The following DCT variants were observed in gnomAD, a reference collection of about 807,000 sequenced individuals.
DCT encodes L-dopachrome tautomerase.
DCT carries 47 observed loss-of-function variants against 53.0 expected under a neutral mutation model. The ratio of observed to expected loss-of-function variants is 0.89; its 90% confidence interval spans 0.70 to 1.13. DCT has a LOEUF of 1.13. DCT is among the 50% of genes most tolerant of loss of function. The pLI is 0.00. For missense variants in DCT, 669 were observed against 637.4 expected (o/e 1.05, Z -0.53); for synonymous variants, 244 against 237.0 (o/e 1.03, Z -0.27).
the DCT span, among the ~76,000 whole-genome samples, chr13:94,521,065 A>G: frequency 6.6e-6 from 1 of 152,208 alleles, no homozygotes; most frequent in African/African-American, 2.4e-5. Context: ...CTCTCAATGA[A>G]GACACAGGCA....
chr13:94,500,667 A>G, the DCT span, among the ~76,000 whole-genome samples: 1 of 109,068 alleles, frequency 9.2e-6, no homozygotes, highest in Non-Finnish European at 1.8e-5. Flanking sequence ...CCTGTTGCAA[A>G]TGACAGAATC....
chr13:94,471,651 A>G (rs1165265957), intron 1 of DCT, among the ~76,000 whole-genome samples: 2 of 152,208 alleles, frequency 1.3e-5, no homozygotes, highest in Non-Finnish European at 2.9e-5. Context: ...CATATCACCT[A>G]CTATGACAGT....
In DCT at chr13:94,439,547, C is replaced by G; in HGVS notation, c.*351G>C. On this transcript the variant is annotated 3_prime_UTR_variant, in exon 8 of 8. Transcript: ENST00000377028. ...TGCACTGACCTGCAAATTTAAATGACTCCCCTGGATCAATGTTTTGGGATT... is the reference window on the plus strand; with the variant it reads ...TGCACTGACCTGCAAATTTAAATGAGTCCCCTGGATCAATGTTTTGGGATT... 1 of 162,836 alleles carries G rather than the reference C, an allele frequency of 6.1e-6. No individual in the cohort carries two copies. Among genetic ancestry groups the G allele is most frequent in the Non-Finnish European group, 1.3e-5 (1 of 78,304 alleles). The allele number at this position is 162,836 out of a possible 1,614,324, so 10.1% of individuals were successfully genotyped here.
chr13:94,442,722 T>C (rs1254750073), intron 7 of DCT, among the ~76,000 whole-genome samples: 1 of 152,184 alleles, frequency 6.6e-6, no homozygotes, highest in Non-Finnish European at 1.5e-5. Context: ...CGTAGCCCAA[T>C]CTGTTGGTAG....
chr13:94,478,804 C>T (rs1029103096), intron 1 of DCT, among the ~76,000 whole-genome samples, 157 bp downstream of exon 1: 9 of 152,244 alleles, frequency 5.9e-5, no homozygotes, highest in African/African-American at 2.2e-4. Context: ...TAAACCAGCA[C>T]ATCAGCCTTA....
the DCT span, among the ~76,000 whole-genome samples, chr13:94,509,955 T>G: frequency 1.3e-5 from 2 of 152,184 alleles, no homozygotes; most frequent in Non-Finnish European, 2.9e-5. Context: ...ATTAAGTCAT[T>G]CTTGACAAGG....
At chr13:94,535,573 TAATGTAGGC>T in the DCT span, among the ~76,000 whole-genome samples, 3 of 152,178 alleles carry the variant, frequency 2.0e-5, no homozygotes, top group Non-Finnish European at 4.4e-5. Flanking sequence ...CTGTAAGCAT[TAATGTAGGC>T]AGTGCCTGGA....
rs758795962 is a variant in DCT, at chr13:94,438,638, G to T, written c.*1260C>A. 2.2e-6 allele frequency: 1 copy of T among 455,768 alleles called. No homozygotes were observed. The highest frequency in any genetic ancestry group is 4.4e-6 in the Non-Finnish European group (1 of 226,758). 28.2% of individuals were successfully genotyped at this position (455,768 alleles called of 1,614,324 possible). A position where few individuals can be genotyped will look rare whatever the true frequency, so the allele number is the denominator to read the frequency against. On this transcript the variant is annotated 3_prime_UTR_variant, in exon 8 of 8. Coordinates refer to ENST00000377028, the MANE Select transcript of DCT (RefSeq NM_001922.5). The stretch of plus-strand genomic sequence containing the variant: ...AACCAGATATGAGCAGATGAAATTT[G>T]CCTGGAAATCTCAAGAGCCATTAAC...
the DCT span, among the ~76,000 whole-genome samples, chr13:94,537,824 A>C: frequency 6.6e-6 from 1 of 152,328 alleles, no homozygotes; most frequent in South Asian, 2.1e-4. Context: ...TAAGAACGTC[A>C]GTGTAGGCTC....
At chr13:94,487,668 T>G in the DCT span, among the ~76,000 whole-genome samples, 1 of 152,308 alleles carries the variant, frequency 6.6e-6, no homozygotes, top group Admixed American at 6.5e-5. Flanking sequence ...GCCAACGAGT[T>G]GCCTGCTCTT....
At chr13:94,490,655 C>T in the DCT span, among the ~76,000 whole-genome samples, 5 of 151,820 alleles carry the variant, frequency 3.3e-5, no homozygotes, top group Non-Finnish European at 7.4e-5. Context: ...CACACACATA[C>T]ACAAAGCTAA....
the DCT span, among the ~76,000 whole-genome samples, chr13:94,518,936 T>G: frequency 6.6e-6 from 1 of 152,218 alleles, no homozygotes; most frequent in Non-Finnish European, 1.5e-5. Flanking sequence ...CTTATCTCAA[T>G]TCTTAGAATG....
chr13:94,477,034 T>A (rs904891322), intron 1 of DCT, among the ~76,000 whole-genome samples: 4 of 152,228 alleles, frequency 2.6e-5, no homozygotes, highest in Non-Finnish European at 5.9e-5. Context: ...GACCTAGATA[T>A]TCTTCTGAAT....
At position 94,454,096 on chromosome 13, in the gene DCT, ATT is replaced by A. The variant is rs375540766; in HGVS notation, c.1179+5993_1179+5994del. 1.2e-3 allele frequency among the ~76,000 whole-genome samples: 184 copies of A among 152,280 alleles called. 2 individuals carry two copies. The highest frequency in any genetic ancestry group is 4.3e-3 in the African/African-American group (177 of 41,568). On this transcript the variant is annotated intron_variant, in intron 6 of 7. Coordinates refer to ENST00000377028, the MANE Select transcript of DCT (RefSeq NM_001922.5). ...CCATCAGCTATGTGTGGTTTTAGAA[ATT>A]CATTTTCTCCTGCTGCACATTTTCT...
At chr13:94,530,357 T>C in the DCT span, among the ~76,000 whole-genome samples, 1 of 152,168 alleles carries the variant, frequency 6.6e-6, no homozygotes, top group Non-Finnish European at 1.5e-5. Flanking sequence ...TTTCAGCCAA[T>C]ATCCATGAGG....
the DCT span, among the ~76,000 whole-genome samples, chr13:94,521,825 A>T: frequency 6.6e-6 from 1 of 152,234 alleles, no homozygotes; most frequent in Non-Finnish European, 1.5e-5. Context: ...ATGTTCAAAG[A>T]GTTGTGAAAC....
the DCT span, among the ~76,000 whole-genome samples, chr13:94,488,805 AC>A: frequency 1.4e-5 from 2 of 147,788 alleles, no homozygotes; most frequent in African/African-American, 2.5e-5. Flanking sequence ...ACACATATAC[AC>A]ATACATACAC....
the DCT span, among the ~76,000 whole-genome samples, chr13:94,540,875 T>C: frequency 6.6e-6 from 1 of 152,294 alleles, no homozygotes; most frequent in Admixed American, 6.5e-5. Flanking sequence ...TTATTCACAA[T>C]AGCTAAAATA....
the DCT span, among the ~76,000 whole-genome samples, chr13:94,498,543 A>T: frequency 6.6e-6 from 1 of 152,240 alleles, no homozygotes; most frequent in African/African-American, 2.4e-5. Context: ...GGCCTTCACC[A>T]GGAACCTGAC....
Sources: allele counts gnomAD v4.1 joint callset (sites outside exome capture counted in the v4.1 genomes callset), GRCh38; gene constraint gnomAD v4.1.1; transcripts MANE v1.5; gene names NCBI Gene and HGNC (gene_info 2026-07-23, HGNC 2026-07-21).